The following FBXL13 variants were observed in gnomAD, a reference collection of about 807,000 sequenced individuals.
The protein encoded by FBXL13 is F-box and leucine rich repeat protein 13, also known as F-box and leucine-rich repeat protein 13.
In FBXL13, 67 loss-of-function variants were observed where a neutral mutation model predicts 83.6. That is an observed-to-expected ratio of 0.80 (90% CI 0.66 to 0.98). The LOEUF (loss-of-function observed/expected upper bound fraction) is 0.98, where lower values mean the gene tolerates loss of function less well. Among genes scored for constraint, FBXL13 ranks in the 50% least tolerant of loss-of-function variants. FBXL13 has a pLI of 0.00. For missense variants in FBXL13, 822 were observed against 866.5 expected (o/e 0.95, Z 0.64); for synonymous variants, 272 against 299.5 (o/e 0.91, Z 0.95).
intron 6 of FBXL13, among the ~76,000 whole-genome samples, chr7:102,970,348 T>A (rs573158887): frequency 1.1e-3 from 172 of 150,040 alleles, no homozygotes; most frequent in African/African-American, 2.1e-3. Context: ...TCATTTTTTT[T>A]AAAAAAATGA....
intron 1 of FBXL13, among the ~76,000 whole-genome samples, chr7:103,058,023 C>T (rs1695800692): frequency 6.6e-6 from 1 of 152,114 alleles, no homozygotes; most frequent in African/African-American, 2.4e-5. Flanking sequence ...CCTCCATAGG[C>T]CAAGTGTCAG....
At chr7:102,931,765 G>A in intron 9 of FBXL13, 116 bp downstream of exon 10, 1 of 855,494 alleles carries the variant, frequency 1.2e-6, no homozygotes, top group South Asian at 1.9e-5. Flanking sequence ...AACATAGTTT[G>A]CTCTTTTCCA....
At chr7:102,919,651 A>T (rs1443682236) in intron 10 of FBXL13, among the ~76,000 whole-genome samples, 1 of 152,234 alleles carries the variant, frequency 6.6e-6, no homozygotes, top group East Asian at 1.9e-4. Context: ...AACCTGAAAT[A>T]TCAAAGTTTA....
chr7:102,835,666 G>A (rs1801797678), intron 17 of FBXL13, among the ~76,000 whole-genome samples: 2 of 107,994 alleles, frequency 1.9e-5, no homozygotes, highest in Non-Finnish European at 3.3e-5. Context: ...CTGGAGTGCA[G>A]TGGCGCAATC....
At chr7:103,043,807 C>G (rs1386573096) in intron 2 of FBXL13, among the ~76,000 whole-genome samples, 4 of 152,226 alleles carry the variant, frequency 2.6e-5, no homozygotes, top group Non-Finnish European at 5.9e-5. Flanking sequence ...AGCCACTGCA[C>G]CCAACCTGAA....
chr7:103,060,109 T>G (rs1483143652), intron 1 of FBXL13, among the ~76,000 whole-genome samples: 2 of 141,464 alleles, frequency 1.4e-5, no homozygotes, highest in African/African-American at 5.2e-5. Flanking sequence ...TAACCCAGGC[T>G]GGAGTGCAGT....
chr7:102,858,645 G>C (rs926733732), intron 16 of FBXL13, among the ~76,000 whole-genome samples: 9 of 152,136 alleles, frequency 5.9e-5, no homozygotes, highest in Non-Finnish European at 1.0e-4. Flanking sequence ...TCCATACAAT[G>C]GAATATTATT....
rs1365916837 is a variant in FBXL13, at chr7:102,959,302, T to C, written c.724+4231A>G. On this transcript the variant is annotated intron_variant, in intron 8 of 19. Transcript: ENST00000313221. ...ATGTACAGACACAGTTGAAACTCCTTGTGCACTTCTTCCCCATTCCATTAA... is the reference window on the plus strand; with the variant it reads ...ATGTACAGACACAGTTGAAACTCCTCGTGCACTTCTTCCCCATTCCATTAA... 2.0e-5 allele frequency among the ~76,000 whole-genome samples: 3 copies of C among 152,242 alleles called. No homozygotes were observed. In the East Asian group the frequency reaches 5.8e-4, roughly 29 times the overall value.
At chr7:103,018,092 C>A (rs1441728066) in intron 6 of FBXL13, among the ~76,000 whole-genome samples, 1 of 152,170 alleles carries the variant, frequency 6.6e-6, no homozygotes, top group Non-Finnish European at 1.5e-5. Context: ...AGGTTACCCA[C>A]AAAGGGAATC....
At chr7:103,067,231 G>A (rs1798488293) in intron 1 of FBXL13, among the ~76,000 whole-genome samples, 2 of 152,138 alleles carry the variant, frequency 1.3e-5, no homozygotes, top group South Asian at 2.1e-4. Flanking sequence ...GTTGCTCAGG[G>A]GTAAGCACGG....
intron 6 of FBXL13, among the ~76,000 whole-genome samples, chr7:103,013,646 G>T (rs1791902088): frequency 1.3e-5 from 2 of 152,012 alleles, no homozygotes; most frequent in African/African-American, 4.8e-5. Flanking sequence ...TGTTAAGAGG[G>T]AAGTTTATAG....
At chr7:102,922,206 T>A (rs1376236652) in intron 10 of FBXL13, among the ~76,000 whole-genome samples, 1 of 150,750 alleles carries the variant, frequency 6.6e-6, no homozygotes, top group African/African-American at 2.4e-5. Flanking sequence ...AAAAAAAAAT[T>A]AAATAAATAA....
intron 8 of FBXL13, among the ~76,000 whole-genome samples, chr7:102,958,241 A>G (rs549643742): frequency 2.0e-5 from 3 of 152,284 alleles, no homozygotes; most frequent in Admixed American, 2.0e-4. Context: ...TTGCAGGGAC[A>G]TGGATAAAGC....
intron 2 of FBXL13, among the ~76,000 whole-genome samples, chr7:103,054,345 G>A (rs538373256): frequency 6.6e-4 from 99 of 149,770 alleles, no homozygotes; most frequent in Middle Eastern, 3.5e-3. Flanking sequence ...AGCCAAGATC[G>A]CGCCATTGCA....
At chr7:102,827,771 G>A (rs1799998322) in intron 18 of FBXL13, among the ~76,000 whole-genome samples, 2 of 152,016 alleles carry the variant, frequency 1.3e-5, no homozygotes, top group Non-Finnish European at 2.9e-5. Context: ...GTGAGAACAT[G>A]CAGTGTTTGG....
intron 18 of FBXL13, among the ~76,000 whole-genome samples, chr7:102,823,422 G>A (rs1049699032): frequency 6.6e-6 from 1 of 152,188 alleles, no homozygotes; most frequent in Non-Finnish European, 1.5e-5. Flanking sequence ...AAAGGGACAA[G>A]TAGGTGAGAC....
intron 8 of FBXL13, among the ~76,000 whole-genome samples, chr7:102,962,631 A>C (rs1175368742): frequency 6.6e-6 from 1 of 152,028 alleles, no homozygotes; most frequent in South Asian, 2.1e-4. Flanking sequence ...GCACATATAC[A>C]CCATGGAATA....
chr7:102,871,071 G>C (rs1808454450), intron 16 of FBXL13, among the ~76,000 whole-genome samples: 1 of 151,874 alleles, frequency 6.6e-6, no homozygotes, highest in African/African-American at 2.4e-5. Flanking sequence ...CTCCTTCATG[G>C]ATTCATCTTC....
At chr7:103,012,496 C>G (rs1791758932) in intron 6 of FBXL13, among the ~76,000 whole-genome samples, 1 of 152,048 alleles carries the variant, frequency 6.6e-6, no homozygotes, top group Non-Finnish European at 1.5e-5. Context: ...ATTGGGGGAG[C>G]CTATATTCAG....
Sources: allele counts gnomAD v4.1 joint callset (sites outside exome capture counted in the v4.1 genomes callset), GRCh38; gene constraint gnomAD v4.1.1; transcripts MANE v1.5; gene names NCBI Gene and HGNC (gene_info 2026-07-23, HGNC 2026-07-21).